The following PCDH15 variants were observed in gnomAD, a reference collection of about 807,000 sequenced individuals.
PCDH15 encodes protocadherin-15.
In PCDH15, 129 loss-of-function variants were observed where a neutral mutation model predicts 178.5. The ratio of observed to expected loss-of-function variants is 0.72; its 90% CI spans 0.63 to 0.84. The LOEUF is 0.84. Ranked by LOEUF, PCDH15 falls within the 40% of genes least tolerant of loss-of-function variation. The probability of loss-of-function intolerance (pLI) is 0.00; values close to 1 mark genes in which losing one functional copy is unlikely to be tolerated. For synonymous variants in PCDH15, 800 were observed against 732.0 expected (o/e 1.09, Z -1.50); for missense variants, 2,230 against 2,099.9 (o/e 1.06, Z -1.21).
chr10:54,990,814 T>C (rs914968635), intron 2 of PCDH15, among the ~76,000 whole-genome samples: 2 of 152,114 alleles, frequency 1.3e-5, no homozygotes, highest in African/African-American at 4.8e-5. Context: ...ATGAATATAT[T>C]TGAATGTTAA....
intron 2 of PCDH15, among the ~76,000 whole-genome samples, chr10:54,904,891 A>AG (rs1954693836): frequency 6.6e-6 from 1 of 151,278 alleles, no homozygotes; most frequent in Non-Finnish European, 1.5e-5. Context: ...ATTAAAAAAA[A>AG]CAAAAAGGAC....
intron 3 of PCDH15, among the ~76,000 whole-genome samples, chr10:54,891,846 A>G (rs1954467497): frequency 6.6e-6 from 1 of 152,110 alleles, no homozygotes. Flanking sequence ...AGCAGGATTC[A>G]AATTCAGACT....
chr10:54,312,532 A>C (rs1297118471), intron 8 of PCDH15, among the ~76,000 whole-genome samples: 2 of 152,104 alleles, frequency 1.3e-5, no homozygotes, highest in Non-Finnish European at 2.9e-5. Context: ...CTAATTTATG[A>C]AAATTTCTGC....
At chr10:55,061,326 A>G (rs941005606) in intron 2 of PCDH15, among the ~76,000 whole-genome samples, 18 of 152,188 alleles carry the variant, frequency 1.2e-4, no homozygotes, top group African/African-American at 4.1e-4. Flanking sequence ...ATCATATATC[A>G]CAAAGGAAAT....
chr10:54,109,448 C>T (rs1224825419), intron 15 of PCDH15, among the ~76,000 whole-genome samples: 1 of 152,130 alleles, frequency 6.6e-6, no homozygotes, highest in African/African-American at 2.4e-5. Context: ...CTGAATCTGT[C>T]ATGGTAAATT....
chr10:54,327,345 C>T (rs1302651121), intron 7 of PCDH15, among the ~76,000 whole-genome samples: 4 of 151,156 alleles, frequency 2.6e-5, no homozygotes, highest in African/African-American at 9.7e-5. Flanking sequence ...TTTACTTTTC[C>T]CCATATCTAC....
intron 25 of PCDH15, among the ~76,000 whole-genome samples, chr10:53,928,093 C>G (rs1392863558): frequency 6.6e-6 from 1 of 152,042 alleles, no homozygotes; most frequent in African/African-American, 2.4e-5. Flanking sequence ...AAAGCAGTTA[C>G]ATAGGATATG....
rs750224538 is a variant in PCDH15, at chr10:53,938,868, A to G, written c.3320T>C (p.Val1107Ala). 8 of 1,613,582 alleles carry G rather than the reference A, an allele frequency of 5.0e-6. No homozygotes were observed. Among genetic ancestry groups the G allele is most frequent in the Non-Finnish European group, 6.8e-6 (8 of 1,179,642 alleles). Residue 1107 changes from valine (V) to alanine (A), a missense_variant, in exon 25 of 38, where the codon GTC becomes GCC. By Grantham distance (64) the Val-to-Ala change is moderately conservative. Transcript: ENST00000644397. ...YETRTSYVLR[V>A]QADSLEVVLA... ...GACCACTTCCAGGGAATCAGCTTGG[A>G]CTCGAAGTACATAGCTTGTCCTGGT...
At chr10:54,160,331 C>T (rs79818118) in intron 13 of PCDH15, among the ~76,000 whole-genome samples, 2,162 of 152,144 alleles carry the variant, frequency 0.014, 61 homozygotes, top group African/African-American at 0.05. Flanking sequence ...TAATAGAAAC[C>T]ATGGAAAGCA....
At chr10:54,927,422 T>C (rs1837660479) in intron 2 of PCDH15, among the ~76,000 whole-genome samples, 1 of 152,090 alleles carries the variant, frequency 6.6e-6, no homozygotes, top group Non-Finnish European at 1.5e-5. Context: ...TGCTTTTGGG[T>C]GTGAAGTAAT....
rs892703443 is a variant in PCDH15 at position 55,458,461 on chromosome 10, A to G, written c.-156+169164T>C. ...TTAAAGAATCTTATGATTCCTCTTAATCATACCATTTAAATTTGTCTGTTT... is the reference window on the plus strand; with the variant it reads ...TTAAAGAATCTTATGATTCCTCTTAGTCATACCATTTAAATTTGTCTGTTT... On this transcript the variant is annotated intron_variant, in intron 2 of 5. Coordinates refer to the PCDH15 transcript ENST00000613346. Among the ~76,000 whole-genome samples the G allele has an allele frequency of 1.4e-4, 22 of 152,148 alleles. No individual in the cohort carries two copies. In the Middle Eastern group the frequency reaches 0.01, roughly 71 times the overall value.
chr10:55,341,630 C>T (rs1264648235), intron 2 of PCDH15, among the ~76,000 whole-genome samples: 7 of 147,322 alleles, frequency 4.8e-5, no homozygotes, highest in African/African-American at 7.5e-5. Flanking sequence ...AGTGCACTGA[C>T]GCGATCTTGG....
intron 27 of PCDH15, among the ~76,000 whole-genome samples, chr10:53,861,400 T>G (rs2079098669): frequency 6.6e-6 from 1 of 152,134 alleles, no homozygotes; most frequent in African/African-American, 2.4e-5. Context: ...AGAAATAACA[T>G]TTGTGAAGCA....
At chr10:54,679,211 A>AAAAAAC in intron 1 of PCDH15, among the ~76,000 whole-genome samples, 1 of 147,748 alleles carries the variant, frequency 6.8e-6, no homozygotes. Context: ...AAAAAAAAAA[A>AAAAAAC]CATACAATTG....
At chr10:55,331,705 A>G (rs1474115298) in intron 2 of PCDH15, among the ~76,000 whole-genome samples, 1 of 152,128 alleles carries the variant, frequency 6.6e-6, no homozygotes, top group Non-Finnish European at 1.5e-5. Context: ...CTATTCTGCT[A>G]CTCACAAATG....
intron 2 of PCDH15, among the ~76,000 whole-genome samples, chr10:54,936,324 A>G (rs1238311623): frequency 6.6e-6 from 1 of 152,074 alleles, no homozygotes; most frequent in Non-Finnish European, 1.5e-5. Context: ...ACTATTATGA[A>G]TGACAATGCT....
chr10:54,538,049 T>C (rs1264297606), intron 2 of PCDH15, among the ~76,000 whole-genome samples: 2 of 152,232 alleles, frequency 1.3e-5, no homozygotes, highest in African/African-American at 4.8e-5. Flanking sequence ...AAATACTTTC[T>C]ACCATTGTGT....
chr10:53,807,141 A>C lies in PCDH15; in HGVS notation c.4672-11T>G, dbSNP rs1166615832. Reference sequence around the variant, plus strand: ...TCTTTTTCTTGCCCACTGATAAAATAAACAAAAATATGTGAGTCACTATCA... The same window carrying C: ...TCTTTTTCTTGCCCACTGATAAAATCAACAAAAATATGTGAGTCACTATCA... On this transcript the variant is annotated splice_polypyrimidine_tract_variant and intron_variant, in intron 37 of 37. Coordinates refer to ENST00000644397, the MANE Select transcript of PCDH15 (RefSeq NM_001384140.1). The C allele has an allele frequency of 1.9e-6, 3 of 1,569,222 alleles. No individual in the cohort carries two copies. In the East Asian group the frequency reaches 6.7e-5, roughly 35 times the overall value.
Position 55,055,826 on chromosome 10 carries a change from A to G in PCDH15, c.-80+110750T>C, listed in dbSNP as rs1467657839. Reference sequence around the variant, plus strand: ...CCTGTCTCAAAAATCAATAAATAAAAAAGAAAAGAAAGAAAGAAAGGAGGG... The same window carrying G: ...CCTGTCTCAAAAATCAATAAATAAAGAAGAAAAGAAAGAAAGAAAGGAGGG... On this transcript the variant is annotated intron_variant, in intron 2 of 5. Coordinates refer to the PCDH15 transcript ENST00000458638. 4.6e-5 allele frequency among the ~76,000 whole-genome samples: 7 copies of G among 152,190 alleles called. No homozygotes were observed. The East Asian group carries it at 1.3e-3, about 29-fold the overall frequency.
Sources: allele counts gnomAD v4.1 joint callset (sites outside exome capture counted in the v4.1 genomes callset), GRCh38; gene constraint gnomAD v4.1.1; transcripts MANE v1.5; gene names NCBI Gene and HGNC (gene_info 2026-07-23, HGNC 2026-07-21).